The following CIMIP6 variants were observed in gnomAD, a reference collection of about 807,000 sequenced individuals.
CIMIP6 encodes uncharacterized protein C2orf73.
At chr2:54,339,583 T>G in the CIMIP6 span, among the ~76,000 whole-genome samples, 1 of 74,748 alleles carries the variant, frequency 1.3e-5, no homozygotes, top group Non-Finnish European at 3.5e-5. Context: ...TATAGCAAAA[T>G]AGAGATGAAT....
chr2:54,335,163 C>A, the CIMIP6 span: 12 of 652,176 alleles, frequency 1.8e-5, no homozygotes, highest in Non-Finnish European at 2.8e-5. Context: ...AAAGCAGTAA[C>A]CTGAAACTAT....
the CIMIP6 span, among the ~76,000 whole-genome samples, chr2:54,375,326 T>A: frequency 6.6e-6 from 1 of 152,148 alleles, no homozygotes; most frequent in Admixed American, 6.5e-5. Context: ...GTTATCAAGT[T>A]AATAAGGAAA....
chr2:54,368,020 G>C, the CIMIP6 span, among the ~76,000 whole-genome samples: 1 of 152,102 alleles, frequency 6.6e-6, no homozygotes, highest in African/African-American at 2.4e-5. Context: ...ATGGTCCCCA[G>C]AGTTCTAGCT....
chr2:54,370,147 C>T, the CIMIP6 span, among the ~76,000 whole-genome samples: 18 of 151,788 alleles, frequency 1.2e-4, no homozygotes, highest in Non-Finnish European at 1.8e-4. Context: ...CTCGGCTTCT[C>T]GGGAGGCTGA....
the CIMIP6 span, chr2:54,334,863 G>A: frequency 6.4e-7 from 1 of 1,553,408 alleles, no homozygotes; most frequent in Non-Finnish European, 8.7e-7. Flanking sequence ...AAGTGAAAAT[G>A]AAGAAATTAA....
chr2:54,351,173 A>T, the CIMIP6 span, among the ~76,000 whole-genome samples: 115,755 of 152,190 alleles, frequency 0.76, 44,203 homozygotes, highest in Non-Finnish European at 0.8. Flanking sequence ...ACAATGACTC[A>T]TTTACGAAAC....
the CIMIP6 span, among the ~76,000 whole-genome samples, chr2:54,362,844 G>A: frequency 6.6e-6 from 1 of 152,164 alleles, no homozygotes; most frequent in African/African-American, 2.4e-5. Context: ...ACTGTGCATG[G>A]CTCTCATTAT....
the CIMIP6 span, chr2:54,360,315 A>G: frequency 1.9e-6 from 3 of 1,611,838 alleles, no homozygotes; most frequent in African/African-American, 2.7e-5. Context: ...GAACAGTCCA[A>G]AAAAACAGAG....
the CIMIP6 span, among the ~76,000 whole-genome samples, chr2:54,336,757 G>A: frequency 6.6e-6 from 1 of 152,216 alleles, no homozygotes. Context: ...TTAAATTGGT[G>A]GTCAGAGAAG....
the CIMIP6 span, among the ~76,000 whole-genome samples, chr2:54,339,604 T>G: frequency 9.3e-5 from 7 of 75,196 alleles, 2 homozygotes; most frequent in East Asian, 1.2e-3. Context: ...TTAGGTACAG[T>G]GTAACCAATG....
chr2:54,334,466 T>C, the CIMIP6 span, among the ~76,000 whole-genome samples: 1 of 152,160 alleles, frequency 6.6e-6, no homozygotes, highest in African/African-American at 2.4e-5. Context: ...TTTAAAGAAG[T>C]TGAGTTAACT....
chr2:54,357,472 C>G, the CIMIP6 span, among the ~76,000 whole-genome samples: 1 of 152,106 alleles, frequency 6.6e-6, no homozygotes, highest in Non-Finnish European at 1.5e-5. Context: ...TTCTCCCCAC[C>G]TCTGTCCTCC....
At chr2:54,351,090 C>A in the CIMIP6 span, among the ~76,000 whole-genome samples, 2 of 152,076 alleles carry the variant, frequency 1.3e-5, no homozygotes, top group Non-Finnish European at 2.9e-5. Flanking sequence ...TTTTTAAATA[C>A]TGTATAAAAT....
At chr2:54,374,160 C>G in the CIMIP6 span, among the ~76,000 whole-genome samples, 2 of 152,228 alleles carry the variant, frequency 1.3e-5, no homozygotes, top group African/African-American at 2.4e-5. Context: ...GTTCCTTTCT[C>G]TCTTCTACTC....
chr2:54,352,461 T>A, the CIMIP6 span, among the ~76,000 whole-genome samples: 1 of 152,236 alleles, frequency 6.6e-6, no homozygotes, highest in East Asian at 1.9e-4. Flanking sequence ...TGTTTGTATC[T>A]ATACAAAACA....
the CIMIP6 span, among the ~76,000 whole-genome samples, chr2:54,349,800 T>C: frequency 4.6e-5 from 7 of 152,048 alleles, no homozygotes; most frequent in African/African-American, 1.7e-4. Flanking sequence ...CCCTTTATAA[T>C]AACTCAGATT....
the CIMIP6 span, among the ~76,000 whole-genome samples, chr2:54,341,874 G>A: frequency 6.6e-6 from 1 of 151,920 alleles, no homozygotes; most frequent in Non-Finnish European, 1.5e-5. Flanking sequence ...AGAAGCAGGC[G>A]CTCTGACAAC....
chr2:54,336,837 G>C, the CIMIP6 span, among the ~76,000 whole-genome samples: 2 of 152,174 alleles, frequency 1.3e-5, no homozygotes, highest in East Asian at 3.9e-4. Context: ...GAACCTGGCA[G>C]AAGAGCATTC....
At chr2:54,378,586 C>T in the CIMIP6 span, among the ~76,000 whole-genome samples, 4 of 152,160 alleles carry the variant, frequency 2.6e-5, no homozygotes, top group South Asian at 8.3e-4. Context: ...AACAGAAATG[C>T]CCAGCTTTCT....
Sources: gnomAD v4.1 joint callset for allele counts (sites outside exome capture counted in the v4.1 genomes callset) on GRCh38, gnomAD v4.1.1 for gene constraint, MANE v1.5 for transcripts, NCBI Gene and HGNC (gene_info 2026-07-23, HGNC 2026-07-21) for gene names.